BNC2: variants seen among roughly 807,000 people sequenced by gnomAD.
BNC2 encodes the protein basonuclin zinc finger protein 2.
BNC2 carries 20 observed loss-of-function variants against 76.3 expected under a neutral mutation model. The observed-to-expected ratio is 0.26, with a 90% CI of 0.18 to 0.38. The LOEUF (loss-of-function observed/expected upper bound fraction) is 0.38, where lower values mean the gene tolerates loss of function less well. Ranked by LOEUF, BNC2 falls within the 10% of genes least tolerant of loss-of-function variation. BNC2 has a pLI of 1.00. For missense variants in BNC2, 1,382 were observed against 1,399.8 expected (o/e 0.99, Z 0.20); for synonymous variants, 582 against 514.8 (o/e 1.13, Z -1.77).
chr9:16,717,381 T>G (rs1243819786), intron 3 of BNC2, among the ~76,000 whole-genome samples: 1 of 152,132 alleles, frequency 6.6e-6, no homozygotes, highest in African/African-American at 2.4e-5. Context: ...AATTACTGAG[T>G]AAAATCATTT....
chr9:16,583,152 C>A, intron 3 of BNC2, 67 bp from the exon 4 acceptor site: 2 of 1,266,354 alleles, frequency 1.6e-6, no homozygotes, highest in Non-Finnish European at 2.3e-6. Context: ...TTCACCATTT[C>A]AATAAATATT....
chr9:16,600,716 A>G (rs1048291426), intron 3 of BNC2, among the ~76,000 whole-genome samples: 1 of 152,136 alleles, frequency 6.6e-6, no homozygotes, highest in Admixed American at 6.6e-5. Context: ...TTAAAAAGGT[A>G]ATGATGCGGG....
chr9:16,454,177 C>T (rs570508117), intron 5 of BNC2, among the ~76,000 whole-genome samples: 182 of 152,158 alleles, frequency 1.2e-3, no homozygotes, highest in Admixed American at 3.1e-3. Flanking sequence ...TATCTATGTG[C>T]CACATGTAAT....
At position 16,410,929 on chromosome 9, in the gene BNC2, G is replaced by C. The variant is rs1169294197; in HGVS notation, c.*8060C>G. ...TATTAACTCAGCACATTGTCTGGGA[G>C]CTCAAGAGCATCATACCTCATGAAT... On this transcript the variant is annotated 3_prime_UTR_variant, in exon 7 of 7. Coordinates refer to ENST00000380672, the MANE Select transcript of BNC2 (RefSeq NM_017637.6). 1.3e-5 allele frequency: 2 copies of C among 152,194 alleles called. No homozygotes were observed. Among genetic ancestry groups the C allele is most frequent in the Admixed American group, 1.3e-4 (2 of 15,286 alleles). 9.4% of individuals were successfully genotyped at this position (152,194 alleles called of 1,614,324 possible). A position where few individuals can be genotyped will look rare whatever the true frequency, so the allele number is the denominator to read the frequency against.
intron 5 of BNC2, among the ~76,000 whole-genome samples, chr9:16,446,485 A>T (rs1291916072): frequency 6.6e-6 from 1 of 152,116 alleles, no homozygotes; most frequent in African/African-American, 2.4e-5. Flanking sequence ...CATATTTGAA[A>T]AAAATTTCAC....
intron 6 of BNC2, among the ~76,000 whole-genome samples, chr9:16,429,107 CT>C (rs1440959772): frequency 2.0e-5 from 3 of 152,032 alleles, no homozygotes; most frequent in African/African-American, 7.2e-5. Context: ...TTATTTGAAG[CT>C]TGTGGGAGTC....
intron 5 of BNC2, among the ~76,000 whole-genome samples, chr9:16,551,205 CTG>C (rs1818652186): frequency 6.6e-6 from 1 of 152,192 alleles, no homozygotes; most frequent in African/African-American, 2.4e-5. Flanking sequence ...GCCAAATTTT[CTG>C]TGTCTTCCCA....
chr9:16,445,284 C>A (rs1214534279), intron 5 of BNC2, among the ~76,000 whole-genome samples: 1 of 152,186 alleles, frequency 6.6e-6, no homozygotes, highest in Non-Finnish European at 1.5e-5. Flanking sequence ...CTAGCATACA[C>A]AATATACATC....
At chr9:16,470,951 T>C (rs1376380068) in intron 5 of BNC2, among the ~76,000 whole-genome samples, 2 of 151,900 alleles carry the variant, frequency 1.3e-5, no homozygotes, top group Non-Finnish European at 2.9e-5. Context: ...CCGAGAATGG[T>C]AAATCCACCG....
chr9:16,422,404 G>A (rs1463791415), intron 6 of BNC2, among the ~76,000 whole-genome samples: 3 of 152,176 alleles, frequency 2.0e-5, no homozygotes, highest in Non-Finnish European at 2.9e-5. Context: ...TGATTCAGGT[G>A]TAATGCAATA....
chr9:16,649,127 G>A lies in BNC2; in HGVS notation c.331-66042C>T, dbSNP rs542430944. Among the ~76,000 whole-genome samples, 25 of 152,068 alleles carry A rather than the reference G, an allele frequency of 1.6e-4. No individual in the cohort carries two copies. In the South Asian group the frequency reaches 3.7e-3, roughly 23 times the overall value. ...AAATGATTTCTACAAAAATCTGTGC[G>A]CACATCAAGTGAAAGAGAATGAGCC... On this transcript the variant is annotated intron_variant, in intron 3 of 6. Transcript: ENST00000380672.
intron 5 of BNC2, among the ~76,000 whole-genome samples, chr9:16,467,893 C>CTGG (rs915697337): frequency 1.3e-5 from 2 of 151,620 alleles, no homozygotes; most frequent in Non-Finnish European, 2.9e-5. Context: ...CTCTCATGAT[C>CTGG]TGGTGCCTGA....
intron 3 of BNC2, among the ~76,000 whole-genome samples, chr9:16,656,347 G>A (rs932051771): frequency 2.0e-5 from 3 of 152,168 alleles, no homozygotes; most frequent in Non-Finnish European, 4.4e-5. Flanking sequence ...CCCATGCTGA[G>A]GAGTTTCTGT....
intron 1 of BNC2, among the ~76,000 whole-genome samples, chr9:16,741,168 A>G (rs946515500): frequency 2.6e-5 from 4 of 152,154 alleles, no homozygotes; most frequent in African/African-American, 9.7e-5. Flanking sequence ...ATTGGGTCCA[A>G]CTGGAAAGGG....
intron 3 of BNC2, among the ~76,000 whole-genome samples, chr9:16,636,968 G>T (rs1821347393): frequency 6.6e-6 from 1 of 151,160 alleles, no homozygotes; most frequent in South Asian, 2.1e-4. Flanking sequence ...CTCACATAGT[G>T]CTTTCCTAGC....
intron 6 of BNC2, among the ~76,000 whole-genome samples, chr9:16,421,621 G>A (rs1309382095): frequency 6.6e-6 from 1 of 152,100 alleles, no homozygotes; most frequent in Non-Finnish European, 1.5e-5. Context: ...ATAAACAGAA[G>A]TTGTCCCCAC....
intron 3 of BNC2, among the ~76,000 whole-genome samples, chr9:16,717,452 A>C (rs1423497108): frequency 6.6e-6 from 1 of 152,228 alleles, no homozygotes; most frequent in Admixed American, 6.5e-5. Context: ...CATTCATGTT[A>C]ATTTGCCTTT....
At chr9:16,790,843 G>T in intron 1 of BNC2, among the ~76,000 whole-genome samples, 8 of 117,136 alleles carry the variant, frequency 6.8e-5, no homozygotes, top group Admixed American at 2.0e-4. Flanking sequence ...TTTTAAGAAT[G>T]CTGTTTACAA....
At chr9:16,634,113 C>T (rs1302082066) in intron 3 of BNC2, among the ~76,000 whole-genome samples, 2 of 152,150 alleles carry the variant, frequency 1.3e-5, no homozygotes, top group African/African-American at 2.4e-5. Flanking sequence ...CTACTCATCC[C>T]GTGTTCTGAC....
Sources: gnomAD v4.1 joint callset for allele counts (sites outside exome capture counted in the v4.1 genomes callset) on GRCh38, gnomAD v4.1.1 for gene constraint, MANE v1.5 for transcripts, NCBI Gene and HGNC (gene_info 2026-07-23, HGNC 2026-07-21) for gene names.